The following HECTD4 variants were observed in gnomAD, a reference collection of about 807,000 sequenced individuals.
HECTD4 encodes probable E3 ubiquitin-protein ligase HECTD4.
In HECTD4, 114 loss-of-function variants were observed where a neutral mutation model predicts 471.5. The ratio of observed to expected loss-of-function variants is 0.24; its 90% CI spans 0.21 to 0.28. The LOEUF (loss-of-function observed/expected upper bound fraction) is 0.28, where lower values mean the gene tolerates loss of function less well. Ranked by LOEUF, HECTD4 falls within the 10% of genes least tolerant of loss-of-function variation. HECTD4 has a pLI of 1.00. For missense variants in HECTD4, 3,866 were observed against 5,651.5 expected (o/e 0.68, Z 10.13); for synonymous variants, 2,012 against 2,256.0 (o/e 0.89, Z 3.07).
chr12:112,167,626 G>T, intron 71 of HECTD4, 88 bp from the exon 72 acceptor site: 3 of 1,167,046 alleles, frequency 2.6e-6, no homozygotes, highest in South Asian at 3.0e-5. Context: ...ATACCCTGTG[G>T]CAGGCAGGAG....
At position 112,188,794 on chromosome 12, in the gene HECTD4, C is replaced by T. The variant is rs1047686832; in HGVS notation, c.9472+1992G>A. Among the ~76,000 whole-genome samples the T allele has an allele frequency of 6.6e-5, 10 of 152,338 alleles. No homozygotes were observed. The highest frequency in any genetic ancestry group is 1.2e-4 in the Non-Finnish European group (8 of 68,030). ...GTTTGTGACTGTCCTGGAACATGGG[C>T]TCTCATAGAACCTCCACAGAGGACA... On this transcript the variant is annotated intron_variant, in intron 60 of 75. Transcript: ENST00000682272. The surrounding 1 kb of genome is among the most constrained non-coding windows in gnomAD (Gnocchi z 4.2).
intron 1 of HECTD4, among the ~76,000 whole-genome samples, chr12:112,360,462 T>A (rs2036429090): frequency 6.6e-6 from 1 of 152,166 alleles, no homozygotes; most frequent in South Asian, 2.1e-4. Context: ...AAGAATAAAG[T>A]TTTCCTTGAG....
chr12:112,165,342 G>A (rs942447636), intron 72 of HECTD4, among the ~76,000 whole-genome samples: 5 of 148,642 alleles, frequency 3.4e-5, no homozygotes, highest in African/African-American at 1.2e-4. Context: ...TGTTTTAAGA[G>A]CAACTAATTT....
Position 112,184,701 on chromosome 12 carries a change from T to C in HECTD4, c.10265A>G (p.Asn3422Ser), listed in dbSNP as rs542840120. 42 of 1,613,396 alleles carry C rather than the reference T, an allele frequency of 2.6e-5. No individual in the cohort carries two copies. In the Middle Eastern group the frequency reaches 5.0e-4, roughly 19 times the overall value. Reference sequence around the variant, plus strand: ...GTCTTTGAAGACCCCGCCGTGGGCGTTGCAGGCCTTGCGGATGGCGCCTCT... The same window carrying C: ...GTCTTTGAAGACCCCGCCGTGGGCGCTGCAGGCCTTGCGGATGGCGCCTCT... ...VVRGAIRKAC[N>S]AHGGVFKDEI... The change falls in exon 61 of 76, where the codon AAC becomes AGC. Residue 3422 changes from asparagine to serine, a missense_variant. Coordinates refer to ENST00000682272, the MANE Select transcript of HECTD4 (RefSeq NM_001388303.1). This position sits in a 1 kb window ranked among gnomAD's most constrained non-coding sequence, Gnocchi z 9.1.
At chr12:112,176,540 A>T in intron 65 of HECTD4, 56 bp downstream of exon 65, 1 of 1,224,562 alleles carries the variant, frequency 8.2e-7, no homozygotes, top group South Asian at 1.2e-5. Flanking sequence ...GGGGGTGCCT[A>T]GTCTCCAGGA....
intron 1 of HECTD4, among the ~76,000 whole-genome samples, chr12:112,358,061 G>T (rs1426878239): frequency 6.6e-6 from 1 of 152,090 alleles, no homozygotes; most frequent in African/African-American, 2.4e-5. Flanking sequence ...AAATTAGCTG[G>T]ACATGGTGGC....
At chr12:112,313,217 C>G (rs1293344889) in intron 3 of HECTD4, 70 bp from the exon 4 acceptor site, 2 of 1,339,636 alleles carry the variant, frequency 1.5e-6, no homozygotes, top group African/African-American at 2.9e-5. Flanking sequence ...ATACCTGCTA[C>G]CCCAAAGAGT....
At chr12:112,180,434 C>G (rs1593901491) in intron 62 of HECTD4, among the ~76,000 whole-genome samples, 1 of 151,644 alleles carries the variant, frequency 6.6e-6, no homozygotes, top group Non-Finnish European at 1.5e-5. Flanking sequence ...ACTCAGGAGG[C>G]TAAGGCATGA....
In HECTD4 at chr12:112,166,312, C is replaced by T. The variant is rs989000672; in HGVS notation, c.12534+1005G>A. The T allele has an allele frequency of 2.0e-5, 3 of 152,220 alleles. No individual in the cohort carries two copies. The highest frequency in any genetic ancestry group is 7.2e-5 in the African/African-American group (3 of 41,446). The allele number at this position is 152,220 out of a possible 1,614,324, so 9.4% of individuals were successfully genotyped here. On this transcript the variant is annotated intron_variant, in intron 72 of 75. Transcript: ENST00000682272. This position sits in a 1 kb window ranked among gnomAD's most constrained non-coding sequence, Gnocchi z 4.6. ...TCTTGCAATGGCTGCCCTGAGTGAC[C>T]CAGGGGGACAATGGCAGAGACCAGA...
chr12:112,365,759 GTGTTTTTTTTT>G (rs2036543279), intron 1 of HECTD4, among the ~76,000 whole-genome samples: 1 of 139,608 alleles, frequency 7.2e-6, no homozygotes, highest in Non-Finnish European at 1.5e-5. Context: ...CTGCTTCTTT[GTGTTTTTTTTT>G]TGTTTTTTTT....
chr12:112,350,672 A>G (rs2036234674), intron 1 of HECTD4, among the ~76,000 whole-genome samples: 1 of 152,066 alleles, frequency 6.6e-6, no homozygotes, highest in African/African-American at 2.4e-5. Context: ...AGTGTCCCTC[A>G]AGTGAGTAAG....
chr12:112,247,642 A>G (rs2033790832), intron 27 of HECTD4, 92 bp from the exon 28 acceptor site: 2 of 508,336 alleles, frequency 3.9e-6, no homozygotes, highest in Non-Finnish European at 6.8e-6. Flanking sequence ...GAGAAAAACC[A>G]CCACCTTTGG....
At chr12:112,267,105 C>T (rs1032341895) in intron 13 of HECTD4, 123 bp from the exon 14 acceptor site, 7 of 640,150 alleles carry the variant, frequency 1.1e-5, no homozygotes, top group African/African-American at 9.2e-5. Context: ...GCTGCGACAT[C>T]TGTCACCCCA....
At chr12:112,230,567 A>T in intron 40 of HECTD4, 120 bp downstream of exon 40, 1 of 1,212,060 alleles carries the variant, frequency 8.3e-7, no homozygotes, top group Non-Finnish European at 1.1e-6. Flanking sequence ...AAAGTCAGTT[A>T]ACAGGTATCT....
chr12:112,207,987 G>A lies in HECTD4; in HGVS notation c.8018C>T (p.Ala2673Val), dbSNP rs769852728. 1 of 1,613,368 alleles carries A rather than the reference G, an allele frequency of 6.2e-7. No homozygotes were observed. Among genetic ancestry groups the A allele is most frequent in the East Asian group, 2.2e-5 (1 of 44,872 alleles). ...GGTCTCCCATGCTTTCACCAGCAGG[G>A]CGTAGTGGTCCTCCTGGAAGCAGAA... ...DDDIPQEDHY[A>V]LLVKAWETKV... Residue 2673 changes from alanine (A) to valine (V), a missense_variant, in exon 52 of 76, where the codon GCC becomes GTC. Transcript: ENST00000682272.
intron 51 of HECTD4, 130 bp downstream of exon 51, chr12:112,208,364 A>G: frequency 2.2e-6 from 2 of 916,098 alleles, no homozygotes; most frequent in South Asian, 2.3e-5. Context: ...TTCAAGCACA[A>G]TGATGTCACT....
intron 1 of HECTD4, among the ~76,000 whole-genome samples, chr12:112,376,013 T>G (rs548694082): frequency 6.6e-4 from 101 of 151,908 alleles, no homozygotes; most frequent in Non-Finnish European, 1.3e-3. Context: ...GAGGCAGAGG[T>G]TGCAGTGAAC....
chr12:112,219,438 T>A lies in HECTD4; in HGVS notation c.7022A>T (p.Tyr2341Phe). 6.2e-7 allele frequency: 1 copy of A among 1,613,848 alleles called. No individual in the cohort carries two copies. The highest frequency in any genetic ancestry group is 8.5e-7 in the Non-Finnish European group (1 of 1,179,830). ...EVQCERLRMLYRDCARPPPPP... is the reference protein window; with the variant it reads ...EVQCERLRMLFRDCARPPPPP... ...TGGTGGGGGCCGAGCACAGTCCCGGTAGAGCATCCTCAGCCGTTCACACTG... is the reference window on the plus strand; with the variant it reads ...TGGTGGGGGCCGAGCACAGTCCCGGAAGAGCATCCTCAGCCGTTCACACTG... Residue 2341 changes from tyrosine to phenylalanine, a missense_variant, in exon 45 of 76, where the codon TAC (tyrosine) becomes TTC (phenylalanine). This residue lies in a region of HECTD4 where 617 missense variants were observed against 915.1 expected (regional missense o/e 0.67). Transcript: ENST00000682272.
chr12:112,219,477 G>C lies in HECTD4; in HGVS notation c.6983C>G (p.Ala2328Gly), dbSNP rs1428449158. 1 of 1,613,034 alleles carries C rather than the reference G, an allele frequency of 6.2e-7. No individual in the cohort carries two copies. The highest frequency in any genetic ancestry group is 8.5e-7 in the Non-Finnish European group (1 of 1,179,354). Reference sequence around the variant, plus strand: ...CCGTTCACACTGTACCTCCACAACTGCAAGTCGCTCTCCTGTAGAGGGCAC... The same window carrying C: ...CCGTTCACACTGTACCTCCACAACTCCAAGTCGCTCTCCTGTAGAGGGCAC... ...AQECSAGERLAVVEVQCERLR... is the reference protein window; with the variant it reads ...AQECSAGERLGVVEVQCERLR... The change falls in exon 45 of 76, where the codon GCA (alanine) becomes GGA (glycine). Residue 2328 changes from alanine to glycine, a missense_variant. Ala to Gly is a moderately conservative substitution (Grantham distance 60, BLOSUM62 0). This residue lies in a region of HECTD4 where 617 missense variants were observed against 915.1 expected (regional missense o/e 0.67). Transcript: ENST00000682272.
Sources: gnomAD v4.1 joint callset for allele counts (sites outside exome capture counted in the v4.1 genomes callset) on GRCh38, gnomAD v4.1.1 for gene constraint, gnomAD v4.1.1 regional missense constraint, Gnocchi (gnomAD v3.1) non-coding constraint, MANE v1.5 for transcripts, NCBI Gene and HGNC (gene_info 2026-07-23, HGNC 2026-07-21) for gene names.